The following TXNRD2 variants were observed in gnomAD, a reference collection of about 807,000 sequenced individuals.
TXNRD2 encodes the protein thioredoxin reductase 2, also known as thioredoxin reductase 2, mitochondrial.
In TXNRD2, 67 loss-of-function variants were observed where a neutral mutation model predicts 70.8. The ratio of observed to expected loss-of-function variants is 0.95; its 90% CI spans 0.78 to 1.16. The LOEUF is 1.16. Among genes scored for constraint, TXNRD2 ranks in the 50% most tolerant of loss-of-function variants. The pLI, the probability that TXNRD2 is intolerant of heterozygous loss-of-function variation, is 0.00. For synonymous variants in TXNRD2, 301 were observed against 295.8 expected, an observed-to-expected ratio of 1.02 and a Z score of -0.18; for missense variants, 644 against 719.9, an observed-to-expected ratio of 0.89 and a Z score of 1.21.
intron 8 of TXNRD2, among the ~76,000 whole-genome samples, chr22:19,903,922 C>A (rs977519787): frequency 6.6e-5 from 10 of 152,252 alleles, no homozygotes; most frequent in African/African-American, 2.4e-4. Flanking sequence ...GGCTCCACTG[C>A]CTGCCCAGGG....
intron 12 of TXNRD2, 25 bp from the exon 13 acceptor site, chr22:19,880,742 C>G: frequency 1.3e-6 from 2 of 1,562,564 alleles, no homozygotes; most frequent in East Asian, 2.2e-5. Flanking sequence ...AGGGGGGCCA[C>G]GTCAGCACCA....
intron 8 of TXNRD2, chr22:19,902,856 T>C (rs937318924): frequency 6.4e-6 from 3 of 469,450 alleles, no homozygotes; most frequent in African/African-American, 4.0e-5. Flanking sequence ...TTCTCCCAAA[T>C]GGCTGTGGTT....
intron 11 of TXNRD2, among the ~76,000 whole-genome samples, chr22:19,889,948 A>T (rs1213137450): frequency 6.6e-6 from 1 of 152,026 alleles, no homozygotes; most frequent in Admixed American, 6.6e-5. Flanking sequence ...TCTAATCATT[A>T]AGTACTGAAT....
intron 11 of TXNRD2, among the ~76,000 whole-genome samples, chr22:19,886,257 C>T (rs953804282): frequency 2.5e-4 from 38 of 152,364 alleles, no homozygotes; most frequent in African/African-American, 6.7e-4. Context: ...AGGCCAGCTC[C>T]ACTTGGGTGG....
At chr22:19,922,838 C>A (rs1316417493) in intron 2 of TXNRD2, among the ~76,000 whole-genome samples, 2 of 152,168 alleles carry the variant, frequency 1.3e-5, no homozygotes, top group Non-Finnish European at 2.9e-5. Flanking sequence ...AGGTGCGCAC[C>A]ACCATGCCCG....
chr22:19,906,445 C>A (rs1404142989), intron 8 of TXNRD2, among the ~76,000 whole-genome samples: 1 of 152,026 alleles, frequency 6.6e-6, no homozygotes, highest in Non-Finnish European at 1.5e-5. Context: ...GGCCACATAG[C>A]GAGTCCTTGC....
At chr22:19,921,414 C>CA (rs34252435) in intron 2 of TXNRD2, among the ~76,000 whole-genome samples, 18,170 of 75,164 alleles carry the variant, frequency 0.24, 1,795 homozygotes, top group African/African-American at 0.28. Flanking sequence ...GACCCTGTCT[C>CA]AAAAAAAAAA....
At chr22:19,925,767 T>C (rs759750807) in intron 2 of TXNRD2, among the ~76,000 whole-genome samples, 3 of 151,898 alleles carry the variant, frequency 2.0e-5, no homozygotes, top group Non-Finnish European at 2.9e-5. Context: ...TTTGTGATCT[T>C]GGATTTCTTA....
chr22:19,903,367 T>C (rs967628758), intron 8 of TXNRD2, among the ~76,000 whole-genome samples: 2 of 152,208 alleles, frequency 1.3e-5, no homozygotes, highest in East Asian at 1.9e-4. Context: ...AGCCCTGCTT[T>C]GCAGAAAGCG....
Position 19,898,134 on chromosome 22 carries a change from TG to T in TXNRD2, c.683-5del. On this transcript the variant is annotated splice_region_variant and splice_polypyrimidine_tract_variant and intron_variant, in intron 9 of 17. Transcript: ENST00000400521. ...CCAGCACACTCCAGGGCCACATCTG[TG>T]GGGTGCCAGCTAAGGAGCACTGTAG... 6.4e-7 allele frequency: 1 copy of T among 1,558,078 alleles called. No individual in the cohort carries two copies. Among genetic ancestry groups the T allele is most frequent in the Non-Finnish European group, 8.7e-7 (1 of 1,151,062 alleles).
chr22:19,932,318 C>T, intron 1 of TXNRD2: 1 of 1,612,476 alleles, frequency 6.2e-7, no homozygotes, highest in Non-Finnish European at 8.5e-7. Context: ...AGGTTTCATC[C>T]CTGGAATTCC....
chr22:19,933,569 T>A (rs565247461), intron 1 of TXNRD2: 1 of 1,242,970 alleles, frequency 8.0e-7, no homozygotes, highest in Admixed American at 2.4e-5. Flanking sequence ...GATGTGCTTA[T>A]CTTGGGCAGC....
chr22:19,930,569 A>C (rs2146088619), intron 2 of TXNRD2, among the ~76,000 whole-genome samples: 1 of 152,254 alleles, frequency 6.6e-6, no homozygotes, highest in South Asian at 2.1e-4. Flanking sequence ...CCCTGGGGGA[A>C]GGCACCAGCA....
intron 11 of TXNRD2, among the ~76,000 whole-genome samples, chr22:19,890,229 C>A (rs1012376314): frequency 4.6e-5 from 7 of 152,176 alleles, no homozygotes; most frequent in African/African-American, 1.4e-4. Flanking sequence ...AGGGGAAGGC[C>A]GCAGCCACCG....
intron 8 of TXNRD2, among the ~76,000 whole-genome samples, chr22:19,900,834 A>G (rs765517432): frequency 1.4e-4 from 21 of 152,134 alleles, no homozygotes; most frequent in Non-Finnish European, 1.0e-4. Context: ...CCTAAATGCA[A>G]GGGTGTAACT....
At chr22:19,919,115 A>G (rs914616843) in intron 3 of TXNRD2, 111 bp from the exon 4 acceptor site, 1 of 1,069,004 alleles carries the variant, frequency 9.4e-7, no homozygotes, top group Non-Finnish European at 1.4e-6. Flanking sequence ...ACTCTAACAC[A>G]GACCAGCTGA....
chr22:19,913,018 A>C (rs932325951), intron 7 of TXNRD2, among the ~76,000 whole-genome samples: 1 of 152,196 alleles, frequency 6.6e-6, no homozygotes, highest in African/African-American at 2.4e-5. Flanking sequence ...GGCTTGGAGC[A>C]GGCGGCACAC....
intron 1 of TXNRD2, among the ~76,000 whole-genome samples, chr22:19,939,415 C>T (rs939657739): frequency 1.3e-5 from 2 of 152,214 alleles, no homozygotes; most frequent in African/African-American, 4.8e-5. Context: ...ATCTCACTTA[C>T]AATAGGTTTT....
In TXNRD2 at chr22:19,918,902, G is replaced by A; in HGVS notation, c.332C>T (p.Pro111Leu). The A allele has an allele frequency of 6.2e-7, 1 of 1,612,452 alleles. No individual in the cohort carries two copies. Among genetic ancestry groups the A allele is most frequent in the Non-Finnish European group, 8.5e-7 (1 of 1,179,922 alleles). The change falls in exon 4 of 18, where the codon CCC becomes CTC. Residue 111 changes from proline (P) to leucine (L), a missense_variant. Pro to Leu is a moderately conservative substitution (Grantham distance 98). Coordinates refer to ENST00000400521, the MANE Select transcript of TXNRD2 (RefSeq NM_006440.5). ...ALLGGLIQDAPNYGWEVAQPV... is the reference protein window; with the variant it reads ...ALLGGLIQDALNYGWEVAQPV... Reference sequence around the variant, plus strand: ...CTGGGCCACCTCCCAGCCATAGTTGGGGGCATCTTGGATCAGGCCTCCCAG... The same window carrying A: ...CTGGGCCACCTCCCAGCCATAGTTGAGGGCATCTTGGATCAGGCCTCCCAG...
Sources: allele counts gnomAD v4.1 joint callset (sites outside exome capture counted in the v4.1 genomes callset), GRCh38; gene constraint gnomAD v4.1.1; transcripts MANE v1.5; gene names NCBI Gene and HGNC (gene_info 2026-07-23, HGNC 2026-07-21).